The following KIAA1958 variants were observed in gnomAD, a reference collection of about 807,000 sequenced individuals.
KIAA1958 encodes the protein KIAA1958.
A neutral mutation model predicts 47.2 loss-of-function variants in KIAA1958; 14 were observed. The ratio of observed to expected loss-of-function variants is 0.30; its 90% CI spans 0.20 to 0.46. The LOEUF (loss-of-function observed/expected upper bound fraction) is 0.46. Ranked by LOEUF, KIAA1958 falls within the 20% of genes least tolerant of loss-of-function variation. The pLI is 1.00. For synonymous variants in KIAA1958, 354 were observed against 353.3 expected (o/e 1.00, Z -0.02); for missense variants, 803 against 909.2 (o/e 0.88, Z 1.50).
chr9:112,640,549 T>G (rs1202295709), intron 2 of KIAA1958, among the ~76,000 whole-genome samples: 1 of 152,210 alleles, frequency 6.6e-6, no homozygotes, highest in African/African-American at 2.4e-5. Context: ...AGCCCTGCAC[T>G]TGAATGTTCA....
intron 1 of KIAA1958, among the ~76,000 whole-genome samples, chr9:112,488,125 A>C (rs2132748984): frequency 6.6e-6 from 1 of 152,318 alleles, no homozygotes; most frequent in South Asian, 2.1e-4. Context: ...ATAAACAATG[A>C]TCTAGCTTTC....
intron 2 of KIAA1958, among the ~76,000 whole-genome samples, chr9:112,616,668 T>A (rs1465547303): frequency 6.6e-6 from 1 of 152,230 alleles, no homozygotes; most frequent in Non-Finnish European, 1.5e-5. Flanking sequence ...TTCTATGCCT[T>A]CTTTAGGGTT....
At chr9:112,641,579 G>T (rs1425362440) in intron 2 of KIAA1958, among the ~76,000 whole-genome samples, 2 of 151,320 alleles carry the variant, frequency 1.3e-5, no homozygotes, top group South Asian at 4.2e-4. Flanking sequence ...ATCTTTCTTT[G>T]ATTAATGGAA....
intron 2 of KIAA1958, among the ~76,000 whole-genome samples, chr9:112,632,109 T>A (rs1057273954): frequency 6.6e-6 from 1 of 152,174 alleles, no homozygotes; most frequent in Non-Finnish European, 1.5e-5. Flanking sequence ...TATGTTCATG[T>A]TGCAAAACTT....
At chr9:112,657,209 T>C (rs1837166002) in intron 3 of KIAA1958, among the ~76,000 whole-genome samples, 2 of 152,116 alleles carry the variant, frequency 1.3e-5, no homozygotes, top group Non-Finnish European at 2.9e-5. Context: ...TGCCTCAGCC[T>C]CCCAAGTAGC....
intron 2 of KIAA1958, among the ~76,000 whole-genome samples, chr9:112,645,246 G>C (rs1015978886): frequency 3.3e-5 from 5 of 151,840 alleles, no homozygotes; most frequent in African/African-American, 9.7e-5. Flanking sequence ...ATGTGCTAAG[G>C]GTATATCATT....
chr9:112,563,535 A>C (rs950089650), intron 1 of KIAA1958, among the ~76,000 whole-genome samples: 1 of 152,128 alleles, frequency 6.6e-6, no homozygotes, highest in East Asian at 1.9e-4. Flanking sequence ...TACTGCTAGT[A>C]TGTAGAAAAT....
rs373450729 is a variant in KIAA1958 at position 112,632,872 on chromosome 9, C to T, written c.1172-12778C>T. Among the ~76,000 whole-genome samples the T allele has an allele frequency of 4.3e-4, 64 of 150,164 alleles. No homozygotes were observed. In the East Asian group the frequency reaches 0.01, roughly 24 times the overall value. On this transcript the variant is annotated intron_variant, in intron 2 of 3. Transcript: ENST00000337530. ...AGAAAGACTTTCTTTCCTCAATCCC[C>T]AAATCATGAAAATCTGTCTTCTTTA... is the stretch of plus-strand genomic sequence containing the variant.
chr9:112,633,618 T>C (rs1836748571), intron 2 of KIAA1958, among the ~76,000 whole-genome samples: 1 of 152,136 alleles, frequency 6.6e-6, no homozygotes, highest in Non-Finnish European at 1.5e-5. Flanking sequence ...CCCTAGGAGC[T>C]TCCCTCATGT....
At chr9:112,643,738 C>A (rs1836930697) in intron 2 of KIAA1958, among the ~76,000 whole-genome samples, 1 of 151,764 alleles carries the variant, frequency 6.6e-6, no homozygotes, top group African/African-American at 2.4e-5. Context: ...CTTCTGGACA[C>A]AATGAGAACA....
chr9:112,627,176 G>A (rs1030395571), intron 2 of KIAA1958, among the ~76,000 whole-genome samples: 2 of 152,182 alleles, frequency 1.3e-5, no homozygotes, highest in African/African-American at 4.8e-5. Flanking sequence ...GGCCAGGTCA[G>A]CTTTTCTTCA....
intron 2 of KIAA1958, among the ~76,000 whole-genome samples, chr9:112,596,272 TTA>T (rs1836031406): frequency 6.6e-6 from 1 of 152,180 alleles, no homozygotes; most frequent in Non-Finnish European, 1.5e-5. Flanking sequence ...GAATCTGACT[TTA>T]GAGTTTGATT....
chr9:112,529,597 T>G (rs535466073), intron 1 of KIAA1958, among the ~76,000 whole-genome samples: 6 of 152,338 alleles, frequency 3.9e-5, no homozygotes, highest in African/African-American at 1.4e-4. Context: ...TATATTTTTC[T>G]CATAGGTTAA....
Position 112,635,518 on chromosome 9 carries a change from T to C in KIAA1958, c.1172-10132T>C, listed in dbSNP as rs191681648. On this transcript the variant is annotated intron_variant, in intron 2 of 3. Coordinates refer to ENST00000337530, the MANE Select transcript of KIAA1958 (RefSeq NM_133465.4). ...CCGCCTGCCTTGGCCTCCCAAACTGTTGGGATTACAGGCGTGAGCCACCTC... is the reference window on the plus strand; with the variant it reads ...CCGCCTGCCTTGGCCTCCCAAACTGCTGGGATTACAGGCGTGAGCCACCTC... 3.4e-4 allele frequency among the ~76,000 whole-genome samples: 52 copies of C among 152,264 alleles called. No individual in the cohort carries two copies. The East Asian group carries it at 8.1e-3, about 24-fold the overall frequency.
chr9:112,508,962 AAG>A (rs1303191047), intron 1 of KIAA1958, among the ~76,000 whole-genome samples: 1 of 152,248 alleles, frequency 6.6e-6, no homozygotes, highest in Admixed American at 6.5e-5. Context: ...TCATTTCAGA[AAG>A]AAAATTATTT....
At chr9:112,542,479 A>C (rs1834960668) in intron 1 of KIAA1958, among the ~76,000 whole-genome samples, 1 of 152,238 alleles carries the variant, frequency 6.6e-6, no homozygotes, top group South Asian at 2.1e-4. Context: ...CAAAGAATAT[A>C]TTCATATGAA....
At chr9:112,515,734 G>GACAC (rs1834418897) in intron 1 of KIAA1958, among the ~76,000 whole-genome samples, 2 of 90,028 alleles carry the variant, frequency 2.2e-5, no homozygotes, top group Non-Finnish European at 4.4e-5. Context: ...AGTAATCAGG[G>GACAC]ACACAAACAC....
At chr9:112,496,048 C>A (rs534449659) in intron 1 of KIAA1958, among the ~76,000 whole-genome samples, 2 of 152,112 alleles carry the variant, frequency 1.3e-5, no homozygotes, top group Non-Finnish European at 2.9e-5. Flanking sequence ...CTAAAAGTAG[C>A]CATGTGAACA....
chr9:112,660,153 GCTGA>G lies in KIAA1958; in HGVS notation c.*86_*89del. 1.6e-6 allele frequency: 2 copies of G among 1,278,948 alleles called. No homozygotes were observed. Among genetic ancestry groups the G allele is most frequent in the Non-Finnish European group, 2.2e-6 (2 of 907,810 alleles). The allele number at this position is 1,278,948 out of a possible 1,614,324, so 79.2% of individuals were successfully genotyped here. ...CAGCTGGAGCTCCTTGGAGGCAGGG[GCTGA>G]CCAGGTGTGACCTCCCGGTCTGGCG... is the stretch of plus-strand genomic sequence containing the variant. On this transcript the variant is annotated 3_prime_UTR_variant, in exon 4 of 4. Coordinates refer to ENST00000337530, the MANE Select transcript of KIAA1958 (RefSeq NM_133465.4).
Sources: gnomAD v4.1 joint callset for allele counts (sites outside exome capture counted in the v4.1 genomes callset) on GRCh38, gnomAD v4.1.1 for gene constraint, MANE v1.5 for transcripts, NCBI Gene and HGNC (gene_info 2026-07-23, HGNC 2026-07-21) for gene names.